AXL: variants seen among roughly 807,000 people sequenced by gnomAD.
AXL encodes the protein AXL receptor tyrosine kinase.
In AXL, 52 loss-of-function variants were observed where a neutral mutation model predicts 104.5. The ratio of observed to expected loss-of-function variants is 0.50; its 90% CI spans 0.40 to 0.63. The LOEUF (loss-of-function observed/expected upper bound fraction) is 0.63, where lower values mean the gene tolerates loss of function less well. Among genes scored for constraint, AXL ranks in the 20% least tolerant of loss-of-function variants. AXL has a pLI of 0.00. For missense variants in AXL, 1,024 were observed against 1,188.5 expected (o/e 0.86, Z 2.04); for synonymous variants, 455 against 473.7 (o/e 0.96, Z 0.51).
Position 41,219,227 on chromosome 19 carries a change from A to G in AXL, c.-166A>G. On this transcript the variant is annotated 5_prime_UTR_variant, in exon 1 of 20. Transcript: ENST00000301178. ...AGGGAAGGAGGCAGGGGTGCTGAGAAGGCGGCTGCTGGGCAGAGCCGGTGG... is the reference window on the plus strand; with the variant it reads ...AGGGAAGGAGGCAGGGGTGCTGAGAGGGCGGCTGCTGGGCAGAGCCGGTGG... 1.6e-6 allele frequency: 1 copy of G among 631,384 alleles called. No homozygotes were observed. 39.1% of individuals were successfully genotyped at this position (631,384 alleles called of 1,614,324 possible). A position where few individuals can be genotyped will look rare whatever the true frequency, so the allele number is the denominator to read the frequency against.
chr19:41,239,690 A>C lies in AXL; in HGVS notation c.1286-4A>C, dbSNP rs1463697787. On this transcript the variant is annotated splice_region_variant and splice_polypyrimidine_tract_variant and intron_variant, in intron 9 of 19. Coordinates refer to ENST00000301178, the MANE Select transcript of AXL (RefSeq NM_021913.5). Reference sequence around the variant, plus strand: ...CATCTCCTCTCTGTCCTTTCTTCTCACAGGGCAAGCACAGCCAGTCCACCA... The same window carrying C: ...CATCTCCTCTCTGTCCTTTCTTCTCCCAGGGCAAGCACAGCCAGTCCACCA... 1.2e-6 allele frequency: 2 copies of C among 1,614,032 alleles called. No homozygotes were observed. Among genetic ancestry groups the C allele is most frequent in the South Asian group, 2.2e-5 (2 of 91,074 alleles).
chr19:41,237,802 G>T (rs561924613), intron 6 of AXL, 142 bp from the exon 7 acceptor site: 5 of 762,498 alleles, frequency 6.6e-6, no homozygotes, highest in African/African-American at 1.8e-5. Flanking sequence ...CCAGGTGCCC[G>T]TGTTATCCTA....
At chr19:41,233,873 G>A (rs982271451) in intron 6 of AXL, among the ~76,000 whole-genome samples, 2 of 151,964 alleles carry the variant, frequency 1.3e-5, no homozygotes, top group Non-Finnish European at 2.9e-5. Flanking sequence ...GAAAGCAGAA[G>A]TGTGTCCTCT....
In AXL at chr19:41,231,020, A is replaced by G; in HGVS notation, c.640A>G (p.Thr214Ala). The change falls in exon 5 of 20, where the codon ACC becomes GCC. Residue 214 changes from threonine to alanine, a missense_variant. Thr to Ala is a moderately conservative substitution (Grantham distance 58). Coordinates refer to ENST00000301178, the MANE Select transcript of AXL (RefSeq NM_021913.5). Reference sequence around the variant, plus strand: ...CGAAGCCCATAACGCCAAGGGGGTCACCACATCCCGCACAGCCACCATCAC... The same window carrying G: ...CGAAGCCCATAACGCCAAGGGGGTCGCCACATCCCGCACAGCCACCATCAC... ...SCEAHNAKGV[T>A]TSRTATITVL... 1 of 1,613,986 alleles carries G rather than the reference A, an allele frequency of 6.2e-7. No homozygotes were observed. Among genetic ancestry groups the G allele is most frequent in the Non-Finnish European group, 8.5e-7 (1 of 1,179,920 alleles).
In AXL at chr19:41,238,526, G is replaced by A. The variant is rs778558262; in HGVS notation, c.1051G>A (p.Val351Met). 9 of 1,614,042 alleles carry A rather than the reference G, an allele frequency of 5.6e-6. No homozygotes were observed. In the East Asian group the frequency reaches 1.1e-4, roughly 20 times the overall value. Residue 351 changes from valine (V) to methionine (M), a missense_variant, in exon 8 of 20, where the codon GTG (valine) becomes ATG (methionine). Val to Met is a conservative substitution (Grantham distance 21). Around this residue, in one of 5 missense-constraint regions of AXL, gnomAD observed 332 missense variants for 343.9 expected, o/e 0.97. Transcript: ENST00000301178. ...SATRNGSQAF[V>M]HWQEPRAPLQ... Reference sequence around the variant, plus strand: ...TACGCGGAATGGGAGCCAGGCCTTCGTGCATTGGCAAGAGCCCCGGGCGCC... The same window carrying A: ...TACGCGGAATGGGAGCCAGGCCTTCATGCATTGGCAAGAGCCCCGGGCGCC...
chr19:41,248,672 C>T (rs1008045780), intron 13 of AXL, 63 bp downstream of exon 13: 2 of 1,611,082 alleles, frequency 1.2e-6, no homozygotes, highest in African/African-American at 2.7e-5. Flanking sequence ...CTTCCACACT[C>T]CCACCCAACT....
chr19:41,232,757 T>C (rs1478003883), intron 6 of AXL, among the ~76,000 whole-genome samples: 1 of 152,086 alleles, frequency 6.6e-6, no homozygotes, highest in Admixed American at 6.6e-5. Flanking sequence ...GGGTGGACAG[T>C]GCCTATGATG....
At chr19:41,252,796 G>A (rs758575462) in intron 15 of AXL, 50 bp from the exon 16 acceptor site, 34 of 1,609,010 alleles carry the variant, frequency 2.1e-5, no homozygotes, top group Non-Finnish European at 2.9e-5. Flanking sequence ...TGGGGGGCTT[G>A]GCTTCCCCTT....
At chr19:41,255,615 T>A (rs2034440939) in intron 17 of AXL, among the ~76,000 whole-genome samples, 1 of 150,926 alleles carries the variant, frequency 6.6e-6, no homozygotes, top group Non-Finnish European at 1.5e-5. Flanking sequence ...AATTTTTAAA[T>A]TTTTTTGTAG....
At chr19:41,236,552 G>A (rs2034082767) in intron 6 of AXL, among the ~76,000 whole-genome samples, 2 of 151,728 alleles carry the variant, frequency 1.3e-5, no homozygotes, top group Admixed American at 6.6e-5. Context: ...AGGCTGAGGC[G>A]GGCGGATTGC....
chr19:41,243,811 C>T (rs1026961016), intron 12 of AXL, 104 bp downstream of exon 12: 5 of 888,566 alleles, frequency 5.6e-6, no homozygotes, highest in African/African-American at 5.0e-5. Flanking sequence ...TTTCTAAAGG[C>T]CTTGGGATAC....
chr19:41,228,275 G>A (rs1295042609), intron 4 of AXL, among the ~76,000 whole-genome samples: 1 of 152,144 alleles, frequency 6.6e-6, no homozygotes, highest in African/African-American at 2.4e-5. Flanking sequence ...ACTCAAGGCC[G>A]GGCACGGTGG....
chr19:41,253,071 T>A, intron 16 of AXL, 104 bp downstream of exon 16: 4 of 1,264,816 alleles, frequency 3.2e-6, no homozygotes, highest in Admixed American at 2.3e-5. Flanking sequence ...AGGAGCTTGC[T>A]CTCCTGGAGC....
rs1375816495 is a variant in AXL at position 41,238,709 on chromosome 19, A to T, written c.1134+100A>T. 10 of 1,444,270 alleles carry T rather than the reference A, an allele frequency of 6.9e-6. No homozygotes were observed. In the Admixed American group the frequency reaches 1.8e-4, roughly 26 times the overall value. The allele number at this position is 1,444,270 out of a possible 1,614,324, so 89.5% of individuals were successfully genotyped here. On this transcript the variant is annotated intron_variant, in intron 8 of 19. Transcript: ENST00000301178. Reference sequence around the variant, plus strand: ...TGGTTGTGAAGGTTGGGTAGTACACAATTGCTCTATGCCTAGGGGGCACAT... The same window carrying T: ...TGGTTGTGAAGGTTGGGTAGTACACTATTGCTCTATGCCTAGGGGGCACAT...
intron 6 of AXL, among the ~76,000 whole-genome samples, chr19:41,234,842 G>A (rs2034051592): frequency 6.6e-6 from 1 of 152,194 alleles, no homozygotes; most frequent in Non-Finnish European, 1.5e-5. Context: ...GAGTCTCCAG[G>A]GTGAAGGGGA....
intron 14 of AXL, among the ~76,000 whole-genome samples, chr19:41,249,905 T>C (rs1373618124): frequency 1.3e-5 from 2 of 152,076 alleles, no homozygotes; most frequent in Non-Finnish European, 2.9e-5. Flanking sequence ...CTACCTCCCA[T>C]TGGCAAATCC....
rs571082709 is a variant in AXL, at chr19:41,258,484, C to T, written c.2333+855C>T. 2.0e-5 allele frequency among the ~76,000 whole-genome samples: 3 copies of T among 152,312 alleles called. 1 individual carries two copies. Among genetic ancestry groups the T allele is most frequent in the East Asian group, 1.9e-4 (1 of 5,184 alleles). On this transcript the variant is annotated intron_variant, in intron 19 of 19. Transcript: ENST00000301178. The stretch of plus-strand genomic sequence containing the variant: ...CGCCCAGGCTGGAGCACAATGGCTC[C>T]ATCTCGGCTCACTGCAACCTCCCAG...
intron 6 of AXL, among the ~76,000 whole-genome samples, chr19:41,233,164 A>AT (rs1196364352): frequency 1.3e-5 from 2 of 151,568 alleles, no homozygotes; most frequent in Non-Finnish European, 2.9e-5. Flanking sequence ...TAATTTTTGT[A>AT]TTTTTAGTAG....
rs190377856 is a variant in AXL at position 41,238,750 on chromosome 19, A to C, written c.1134+141A>C. On this transcript the variant is annotated intron_variant, in intron 8 of 19. Coordinates refer to ENST00000301178, the MANE Select transcript of AXL (RefSeq NM_021913.5). ...GGGGGCACATTCAGGGAAGGTTCACATTCACATTCTGGGGAGAATAAGGGG... is the reference window on the plus strand; with the variant it reads ...GGGGGCACATTCAGGGAAGGTTCACCTTCACATTCTGGGGAGAATAAGGGG... The C allele has an allele frequency of 2.4e-3, 3,123 of 1,274,978 alleles. 12 individuals are homozygous for C. The highest frequency in any genetic ancestry group is 4.3e-3 in the Middle Eastern group (19 of 4,372). 79.0% of individuals were successfully genotyped at this position (1,274,978 alleles called of 1,614,324 possible). A position where few individuals can be genotyped will look rare whatever the true frequency, so the allele number is the denominator to read the frequency against.
Sources: gnomAD v4.1 joint callset for allele counts (sites outside exome capture counted in the v4.1 genomes callset) on GRCh38, gnomAD v4.1.1 for gene constraint, gnomAD v4.1.1 regional missense constraint, MANE v1.5 for transcripts, NCBI Gene and HGNC (gene_info 2026-07-23, HGNC 2026-07-21) for gene names.